DCAF8L2: variants seen among roughly 807,000 people sequenced by gnomAD.
The protein encoded by DCAF8L2 is DDB1 and CUL4 associated factor 8 like 2, also known as DDB1- and CUL4-associated factor 8-like protein 2.
For missense variants in DCAF8L2, 430 were observed against 490.7 expected, an observed-to-expected ratio of 0.88 and a Z score of 1.17; for synonymous variants, 200 against 190.9, an observed-to-expected ratio of 1.05 and a Z score of -0.39.
At chrX:27,668,493 C>T (rs1437829307) in intron 2 of DCAF8L2, among the ~76,000 whole-genome samples, 1 of 111,828 alleles carries the variant, frequency 8.9e-6, no homozygotes, top group Non-Finnish European at 1.9e-5. Context: ...CTTAAAGTTA[C>T]CATTTTCTGG....
intron 1 of DCAF8L2, among the ~76,000 whole-genome samples, chrX:27,591,285 G>T (rs1926080543): frequency 9.1e-6 from 1 of 110,466 alleles, no homozygotes; most frequent in African/African-American, 3.3e-5. Context: ...GCTACAGAAA[G>T]TTTAGCATAG....
At chrX:27,617,245 A>G (rs974215234) in intron 1 of DCAF8L2, among the ~76,000 whole-genome samples, 33 of 111,168 alleles carry the variant, frequency 3.0e-4, no homozygotes, top group African/African-American at 8.5e-4. Context: ...TTATAAATAT[A>G]TAGATATTTA....
At chrX:27,551,960 A>G in the DCAF8L2 span, among the ~76,000 whole-genome samples, 1 of 112,070 alleles carries the variant, frequency 8.9e-6, no homozygotes, top group African/African-American at 3.2e-5. Context: ...AATAGTGTTT[A>G]AGAGTTTCCC....
the DCAF8L2 span, among the ~76,000 whole-genome samples, chrX:27,502,370 A>ATATC: frequency 8.3e-4 from 61 of 73,801 alleles, no homozygotes; most frequent in Non-Finnish European, 1.4e-3. Context: ...ATATATATAT[A>ATATC]TATATATTGG....
chrX:27,681,098 G>C (rs962449184), intron 3 of DCAF8L2, among the ~76,000 whole-genome samples: 5 of 111,273 alleles, frequency 4.5e-5, no homozygotes, highest in African/African-American at 1.6e-4. Flanking sequence ...CTTTGAGCTG[G>C]GCTAATGGAG....
chrX:27,562,886 T>C, the DCAF8L2 span, among the ~76,000 whole-genome samples: 347 of 112,167 alleles, frequency 3.1e-3, no homozygotes, highest in Non-Finnish European at 5.4e-3. Flanking sequence ...TTTCCTTCCA[T>C]AAAATCTGGG....
chrX:27,713,390 T>C (rs767721778), intron 3 of DCAF8L2, among the ~76,000 whole-genome samples: 7 of 111,418 alleles, frequency 6.3e-5, no homozygotes, highest in African/African-American at 2.3e-4. Context: ...ATGTACATTA[T>C]TGATTACCTT....
rs143507924 is a variant in DCAF8L2 at position 27,609,528 on chromosome X, C to T, written c.-342+19088C>T. On this transcript the variant is annotated intron_variant, in intron 1 of 4. Transcript: ENST00000451261. Reference sequence around the variant, plus strand: ...CAATAATTCCTGTGTGTCCAGGGCACGTTTAGGTGAAGCAAAAGCCAGTTT... The same window carrying T: ...CAATAATTCCTGTGTGTCCAGGGCATGTTTAGGTGAAGCAAAAGCCAGTTT... 3.9e-3 allele frequency among the ~76,000 whole-genome samples: 435 copies of T among 111,054 alleles called. 1 individual carries two copies. The highest frequency in any genetic ancestry group is 0.013 in the African/African-American group (406 of 30,542).
chrX:27,735,833 G>A (rs991761750), intron 4 of DCAF8L2, among the ~76,000 whole-genome samples: 1 of 110,876 alleles, frequency 9.0e-6, no homozygotes, highest in African/African-American at 3.3e-5. Context: ...ACAGTAAATC[G>A]GCACCCACTA....
chrX:27,573,525 T>C, the DCAF8L2 span, among the ~76,000 whole-genome samples: 1 of 111,449 alleles, frequency 9.0e-6, no homozygotes, highest in African/African-American at 3.3e-5. Flanking sequence ...TCTGCAGATC[T>C]AGTAACCAAA....
chrX:27,525,837 G>C, the DCAF8L2 span, among the ~76,000 whole-genome samples: 1 of 111,820 alleles, frequency 8.9e-6, no homozygotes, highest in Non-Finnish European at 1.9e-5. Flanking sequence ...TTTTCTTTAA[G>C]AATGTTGAAT....
chrX:27,479,207 G>C, the DCAF8L2 span, among the ~76,000 whole-genome samples: 1 of 110,966 alleles, frequency 9.0e-6, no homozygotes, highest in African/African-American at 3.3e-5. Context: ...CAGCCAACAA[G>C]AAACAGGCCC....
chrX:27,559,270 C>T, the DCAF8L2 span, among the ~76,000 whole-genome samples: 1 of 111,791 alleles, frequency 8.9e-6, no homozygotes. Context: ...GTCAGTCTGC[C>T]TCTATGTTAT....
chrX:27,646,020 C>G (rs1160534158), intron 2 of DCAF8L2, among the ~76,000 whole-genome samples: 1 of 111,475 alleles, frequency 9.0e-6, no homozygotes, highest in African/African-American at 3.3e-5. Flanking sequence ...AATGCTATTC[C>G]CATTAAGCTA....
At chrX:27,497,545 C>CTTTCTTTCTTTCTTTCT in the DCAF8L2 span, among the ~76,000 whole-genome samples, 7 of 76,984 alleles carry the variant, frequency 9.1e-5, no homozygotes, top group African/African-American at 5.4e-4. Context: ...TCCTTCCTTC[C>CTTTCTTTCTTTCTTTCT]TTCCTTCTTT....
intron 2 of DCAF8L2, among the ~76,000 whole-genome samples, chrX:27,644,816 G>A (rs931657570): frequency 5.4e-5 from 6 of 111,736 alleles, no homozygotes; most frequent in Admixed American, 9.5e-5. Flanking sequence ...GTGCAGTGGC[G>A]CAATCTCGGC....
At chrX:27,674,401 A>G (rs1381828294) in intron 2 of DCAF8L2, among the ~76,000 whole-genome samples, 4 of 111,341 alleles carry the variant, frequency 3.6e-5, no homozygotes, top group African/African-American at 1.3e-4. Context: ...CTGCTTAGAC[A>G]AAATTAGAAA....
At chrX:27,696,217 AAAAG>A (rs1294181221) in intron 3 of DCAF8L2, among the ~76,000 whole-genome samples, 61 of 105,417 alleles carry the variant, frequency 5.8e-4, no homozygotes, top group African/African-American at 1.9e-3. Context: ...AAAAAGAAGA[AAAAG>A]AAAGAAAGAA....
upstream of DCAF8L2, among the ~76,000 whole-genome samples, chrX:27,587,566 A>G (rs1447934753): frequency 1.8e-5 from 2 of 111,787 alleles, no homozygotes; most frequent in African/African-American, 6.5e-5. Context: ...ATAAAGGGAC[A>G]TGCAAATAAC....
Sources: gnomAD v4.1 joint callset for allele counts (sites outside exome capture counted in the v4.1 genomes callset) on GRCh38, gnomAD v4.1.1 for gene constraint, MANE v1.5 for transcripts, NCBI Gene and HGNC (gene_info 2026-07-23, HGNC 2026-07-21) for gene names.